Variants in METTL4 observed in about 807,000 individuals in gnomAD.
METTL4 encodes the protein methyltransferase 4, N6-adenosine.
Under a neutral mutation model 54.0 loss-of-function variants are expected in METTL4, and 40 were observed. The observed-to-expected ratio is 0.74, with a 90% CI of 0.58 to 0.96. The LOEUF is 0.96. METTL4 is among the 50% of genes least tolerant of loss of function. The pLI, the probability that METTL4 is intolerant of heterozygous loss-of-function variation, is 0.00. For missense variants in METTL4, 525 were observed against 549.0 expected, an observed-to-expected ratio of 0.96 and a Z score of 0.44; for synonymous variants, 169 against 183.8, an observed-to-expected ratio of 0.92 and a Z score of 0.65.
At chr18:2,558,294 G>A (rs1034039626) in intron 3 of METTL4, among the ~76,000 whole-genome samples, 1 of 152,060 alleles carries the variant, frequency 6.6e-6, no homozygotes, top group African/African-American at 2.4e-5. Flanking sequence ...ATTTAAGTTA[G>A]AAATCAAGAA....
chr18:2,564,983 A>C (rs1298532128), intron 2 of METTL4, among the ~76,000 whole-genome samples: 1 of 152,204 alleles, frequency 6.6e-6, no homozygotes, highest in East Asian at 1.9e-4. Flanking sequence ...TGATCAATAA[A>C]TATTTGATGA....
intron 8 of METTL4, chr18:2,539,804 C>A (rs2071967666): frequency 2.1e-6 from 2 of 948,788 alleles, no homozygotes. Context: ...ATAAATATAA[C>A]CCATACATGA....
At chr18:2,566,058 T>A (rs749249676) in intron 2 of METTL4, among the ~76,000 whole-genome samples, 37,718 of 95,784 alleles carry the variant, frequency 0.39, 6,103 homozygotes, top group African/African-American at 0.47. Context: ...AATAAATAAA[T>A]AAATAAATAA....
At chr18:2,556,138 C>T (rs2143543937) in intron 3 of METTL4, among the ~76,000 whole-genome samples, 1 of 152,168 alleles carries the variant, frequency 6.6e-6, no homozygotes, top group East Asian at 1.9e-4. Flanking sequence ...GATGAAACTA[C>T]CAAAGGCAAG....
At chr18:2,568,733 C>T in intron 1 of METTL4, 1 of 115,742 alleles carries the variant, frequency 8.6e-6, no homozygotes, top group African/African-American at 3.3e-5. Flanking sequence ...GCCAGGGCAA[C>T]AAGAGTGAAA....
At chr18:2,566,145 C>T (rs563872129) in intron 2 of METTL4, among the ~76,000 whole-genome samples, 9 of 151,194 alleles carry the variant, frequency 6.0e-5, no homozygotes, top group South Asian at 2.1e-4. Flanking sequence ...TATCAGATAT[C>T]TAAAATGGAC....
chr18:2,562,641 C>T (rs999051645), intron 3 of METTL4, among the ~76,000 whole-genome samples: 3 of 152,086 alleles, frequency 2.0e-5, no homozygotes, highest in African/African-American at 4.8e-5. Flanking sequence ...ACCTTGAAGA[C>T]ATTATGCTAA....
chr18:2,547,621 A>C, intron 5 of METTL4, 92 bp from the exon 6 acceptor site: 2 of 895,954 alleles, frequency 2.2e-6, no homozygotes, highest in Non-Finnish European at 3.2e-6. Flanking sequence ...GACTCCACAA[A>C]TGCAAAGCTC....
intron 1 of METTL4, among the ~76,000 whole-genome samples, chr18:2,569,828 C>T (rs1459156588): frequency 1.3e-5 from 2 of 152,206 alleles, no homozygotes; most frequent in Admixed American, 6.5e-5. Context: ...ACACTTTCCA[C>T]GACACTTCTT....
intron 6 of METTL4, 149 bp downstream of exon 6, chr18:2,547,204 AAT>A (rs1434426996): frequency 5.9e-6 from 3 of 510,742 alleles, no homozygotes; most frequent in Non-Finnish European, 9.3e-6. Flanking sequence ...TGAGAATAAA[AAT>A]ATAAAAGTGG....
intron 8 of METTL4, 39 bp from the exon 9 acceptor site, chr18:2,539,184 A>G (rs1238077241): frequency 6.5e-7 from 1 of 1,531,046 alleles, no homozygotes; most frequent in South Asian, 1.1e-5. Context: ...ATTATTATTG[A>G]GGAAGGAATC....
At position 2,567,550 on chromosome 18, in the gene METTL4, C is replaced by T. The variant is rs2072439847; in HGVS notation, c.-334G>A. The T allele has an allele frequency of 5.7e-6, 1 of 176,684 alleles. No homozygotes were observed. Among genetic ancestry groups the T allele is most frequent in the Non-Finnish European group, 1.2e-5 (1 of 84,166 alleles). The allele number at this position is 176,684 out of a possible 1,614,324, so 10.9% of individuals were successfully genotyped here. ...TGGAATCCCAATGTGATCCTCCTGTCTTCCTGGGCCCCCCACGACTTCTTG... is the reference window on the plus strand; with the variant it reads ...TGGAATCCCAATGTGATCCTCCTGTTTTCCTGGGCCCCCCACGACTTCTTG... On this transcript the variant is annotated 5_prime_UTR_variant, in exon 2 of 9. Transcript: ENST00000574538.
At chr18:2,556,378 TCAAC>T (rs2072239377) in intron 3 of METTL4, among the ~76,000 whole-genome samples, 1 of 151,754 alleles carries the variant, frequency 6.6e-6, no homozygotes, top group South Asian at 2.1e-4. Flanking sequence ...CTCAGAAAGA[TCAAC>T]CAGTTGCAAA....
rs199918204 is a variant in METTL4 at position 2,554,980 on chromosome 18, C to T, written c.518G>A (p.Gly173Asp). The change falls in exon 4 of 9, where the codon GGT becomes GAT. Residue 173 changes from glycine (G) to aspartate (D), a missense_variant. By Grantham distance (94) the Gly-to-Asp change is moderately conservative (BLOSUM62 -1). Transcript: ENST00000574538. ...TTTTTCAAAAAGTGGATAAAGAAAA[C>T]CACTTTTGAGACCTTCCTGGATCAA... Reference protein sequence around the residue: ...LQLIQEGLKSGFLYPLFEKQD... With the variant: ...LQLIQEGLKSDFLYPLFEKQD... The T allele has an allele frequency of 6.2e-7, 1 of 1,613,984 alleles. No individual in the cohort carries two copies. The highest frequency in any genetic ancestry group is 8.5e-7 in the Non-Finnish European group (1 of 1,179,912).
intron 5 of METTL4, among the ~76,000 whole-genome samples, 173 bp from the exon 6 acceptor site, chr18:2,547,702 A>T (rs1366941071): frequency 6.6e-6 from 1 of 152,140 alleles, no homozygotes; most frequent in African/African-American, 2.4e-5. Flanking sequence ...ATTACACACA[A>T]GACAAAAATC....
intron 3 of METTL4, among the ~76,000 whole-genome samples, chr18:2,560,538 A>G (rs2072301277): frequency 6.6e-6 from 1 of 152,206 alleles, no homozygotes; most frequent in African/African-American, 2.4e-5. Flanking sequence ...TAAATATATC[A>G]GACCAATCTC....
chr18:2,564,767 T>A (rs373009370), intron 2 of METTL4, among the ~76,000 whole-genome samples: 2 of 152,214 alleles, frequency 1.3e-5, no homozygotes, highest in African/African-American at 4.8e-5. Flanking sequence ...ATTTATTACA[T>A]AGGTTCATCT....
At chr18:2,542,215 T>C (rs1413521073) in intron 8 of METTL4, among the ~76,000 whole-genome samples, 2 of 152,076 alleles carry the variant, frequency 1.3e-5, no homozygotes, top group Non-Finnish European at 2.9e-5. Flanking sequence ...TTTTTTCTTT[T>C]ATTATTATAC....
chr18:2,555,766 T>C (rs750575334), intron 3 of METTL4, among the ~76,000 whole-genome samples: 8 of 152,170 alleles, frequency 5.3e-5, no homozygotes, highest in South Asian at 2.1e-4. Context: ...CATCTGAAAT[T>C]ACTTTTTTTA....
Sources: gnomAD v4.1 joint callset for allele counts (sites outside exome capture counted in the v4.1 genomes callset) on GRCh38, gnomAD v4.1.1 for gene constraint, MANE v1.5 for transcripts, NCBI Gene and HGNC (gene_info 2026-07-23, HGNC 2026-07-21) for gene names.